The following GAS7 variants were observed in gnomAD, a reference collection of about 807,000 sequenced individuals.
GAS7 encodes growth arrest specific 7, also known as growth arrest-specific protein 7.
In GAS7, 28 loss-of-function variants were observed where a neutral mutation model predicts 71.1. The observed-to-expected ratio is 0.39, with a 90% CI of 0.29 to 0.54. GAS7 has a LOEUF of 0.54. GAS7 is among the 20% of genes least tolerant of loss of function. The pLI, the probability that GAS7 is intolerant of heterozygous loss-of-function variation, is 0.62. For missense variants in GAS7, 436 were observed against 627.8 expected (o/e 0.69, Z 3.27); for synonymous variants, 258 against 245.8 (o/e 1.05, Z -0.46).
chr17:10,040,717 G>A (rs115233194), intron 1 of GAS7, among the ~76,000 whole-genome samples: 5,885 of 152,214 alleles, frequency 0.039, 377 homozygotes, highest in African/African-American at 0.13. Context: ...GTCCCCCACC[G>A]GCAGCTGAGT....
intron 7 of GAS7, among the ~76,000 whole-genome samples, chr17:9,941,423 GGAC>G (rs1452665030): frequency 6.6e-6 from 1 of 152,176 alleles, no homozygotes; most frequent in African/African-American, 2.4e-5. Context: ...CTCACCTCCA[GGAC>G]GACAGCGTGC....
intron 1 of GAS7, among the ~76,000 whole-genome samples, chr17:10,179,857 T>C (rs1195641899): frequency 6.6e-6 from 1 of 152,112 alleles, no homozygotes; most frequent in East Asian, 1.9e-4. Context: ...GTTTCTTTTA[T>C]TAATAAAGAA....
chr17:10,058,291 A>G (rs77923646), intron 1 of GAS7, among the ~76,000 whole-genome samples: 1 of 152,130 alleles, frequency 6.6e-6, no homozygotes, highest in Non-Finnish European at 1.5e-5. Flanking sequence ...AAAACAAAGC[A>G]AACAAAAAAA....
intron 8 of GAS7, among the ~76,000 whole-genome samples, chr17:9,936,462 A>G (rs1421151195): frequency 6.6e-6 from 1 of 152,178 alleles, no homozygotes; most frequent in Non-Finnish European, 1.5e-5. Context: ...CTGGGATGAA[A>G]GGAAGAACCA....
rs1477019543 is a variant in GAS7 at position 10,198,576 on chromosome 17, G to A, written c.-186C>T. On this transcript the variant is annotated 5_prime_UTR_variant, in exon 1 of 14. Transcript: ENST00000432992. The stretch of plus-strand genomic sequence containing the variant: ...CGCGCGCTCCGCGCCGGGAAGCAGA[G>A]ACTCGTTGGCTTCGCAGAGCGAGCG... 24 of 382,214 alleles carry A rather than the reference G, an allele frequency of 6.3e-5. No individual in the cohort carries two copies. Among genetic ancestry groups the A allele is most frequent in the Middle Eastern group, 6.9e-4 (1 of 1,444 alleles). The allele number at this position is 382,214 out of a possible 1,614,324, so 23.7% of individuals were successfully genotyped here.
chr17:9,928,694 G>T (rs1436310790), intron 9 of GAS7, among the ~76,000 whole-genome samples: 1 of 152,166 alleles, frequency 6.6e-6, no homozygotes, highest in Non-Finnish European at 1.5e-5. Context: ...CTTTTTCTCT[G>T]GATACAACCA....
At chr17:10,135,994 C>T (rs2074034861) in intron 1 of GAS7, among the ~76,000 whole-genome samples, 1 of 152,142 alleles carries the variant, frequency 6.6e-6, no homozygotes, top group African/African-American at 2.4e-5. Flanking sequence ...AGCGAGTTGG[C>T]CCCACTGAGC....
At chr17:9,992,161 G>A (rs1360771932) in intron 2 of GAS7, among the ~76,000 whole-genome samples, 1 of 152,186 alleles carries the variant, frequency 6.6e-6, no homozygotes, top group Non-Finnish European at 1.5e-5. Context: ...CCAAGGATCA[G>A]GAGGTACCTG....
intron 1 of GAS7, among the ~76,000 whole-genome samples, chr17:10,070,999 A>G (rs1373941801): frequency 6.6e-6 from 1 of 151,984 alleles, no homozygotes; most frequent in Non-Finnish European, 1.5e-5. Flanking sequence ...AGGGACTCCC[A>G]CATCCCCATC....
intron 1 of GAS7, among the ~76,000 whole-genome samples, chr17:10,197,837 T>C (rs927115821): frequency 1.3e-4 from 20 of 152,218 alleles, no homozygotes; most frequent in Non-Finnish European, 2.6e-4. Flanking sequence ...CTCGCACCCC[T>C]GATCCTCCGT....
intron 5 of GAS7, among the ~76,000 whole-genome samples, chr17:9,949,161 T>C (rs2068905852): frequency 6.8e-6 from 1 of 147,358 alleles, no homozygotes; most frequent in Non-Finnish European, 1.5e-5. Flanking sequence ...GCTGCAGAGA[T>C]GCGTCCAAGG....
chr17:10,051,222 A>T (rs1293580633), intron 1 of GAS7, among the ~76,000 whole-genome samples: 1 of 152,218 alleles, frequency 6.6e-6, no homozygotes, highest in Non-Finnish European at 1.5e-5. Flanking sequence ...GTAGGTACAT[A>T]TTAGCTTCAT....
chr17:10,060,909 G>A (rs2073213028), intron 1 of GAS7, among the ~76,000 whole-genome samples: 1 of 152,190 alleles, frequency 6.6e-6, no homozygotes, highest in Admixed American at 6.5e-5. Flanking sequence ...ACATTTATGG[G>A]TTGTCATGAC....
intron 1 of GAS7, among the ~76,000 whole-genome samples, chr17:10,032,102 G>A (rs1438720594): frequency 1.4e-5 from 2 of 142,652 alleles, no homozygotes; most frequent in African/African-American, 2.6e-5. Flanking sequence ...GAGGGGTTGG[G>A]GAACCTCAGA....
rs377208019 is a variant in GAS7 at position 10,172,750 on chromosome 17, C to T, written c.183+25458G>A. On this transcript the variant is annotated intron_variant, in intron 1 of 13. Transcript: ENST00000432992. The stretch of plus-strand genomic sequence containing the variant: ...TAAGGCTTGACAGACTTTAATGAAG[C>T]GCTTTGTAGCCAGAGCCCCTCACTG... 1.2e-4 allele frequency among the ~76,000 whole-genome samples: 18 copies of T among 152,320 alleles called. 2 individuals carry two copies. Among genetic ancestry groups the T allele is most frequent in the Admixed American group, 5.9e-4 (9 of 15,300 alleles).
At chr17:9,973,250 T>C (rs2070041014) in intron 3 of GAS7, among the ~76,000 whole-genome samples, 1 of 148,474 alleles carries the variant, frequency 6.7e-6, no homozygotes, top group East Asian at 2.0e-4. Flanking sequence ...ACAAATATAG[T>C]AGAAACTTTT....
chr17:10,118,679 G>C (rs1045910772), intron 1 of GAS7, among the ~76,000 whole-genome samples: 1 of 146,668 alleles, frequency 6.8e-6, no homozygotes, highest in Admixed American at 6.9e-5. Context: ...ACTCCAGCCT[G>C]GGGGACAGAG....
At chr17:10,102,205 TAAAAAA>T (rs34961542) in intron 1 of GAS7, among the ~76,000 whole-genome samples, 15 of 70,270 alleles carry the variant, frequency 2.1e-4, no homozygotes, top group Non-Finnish European at 1.5e-4. Context: ...AGAGTGCCCG[TAAAAAA>T]AAAAAAAAAA....
chr17:9,931,013 G>A (rs998213949), intron 9 of GAS7, among the ~76,000 whole-genome samples: 3 of 152,218 alleles, frequency 2.0e-5, no homozygotes, highest in Non-Finnish European at 4.4e-5. Flanking sequence ...TGGTTGTCCA[G>A]GGCCAGTCTG....
Sources: gnomAD v4.1 joint callset for allele counts (sites outside exome capture counted in the v4.1 genomes callset) on GRCh38, gnomAD v4.1.1 for gene constraint, MANE v1.5 for transcripts, NCBI Gene and HGNC (gene_info 2026-07-23, HGNC 2026-07-21) for gene names.